SH3BGR: variants seen among roughly 807,000 people sequenced by gnomAD.
The protein encoded by SH3BGR is SH3 domain binding glutamate rich protein.
Under a neutral mutation model 24.5 loss-of-function variants are expected in SH3BGR, and 29 were observed. That is an observed-to-expected ratio of 1.18 (90% CI 0.88 to 1.61). The LOEUF (loss-of-function observed/expected upper bound fraction) is 1.61, where lower values mean the gene tolerates loss of function less well. SH3BGR is among the 40% of genes most tolerant of loss of function. The probability of loss-of-function intolerance (pLI) is 0.00; values close to 1 mark genes in which losing one functional copy is unlikely to be tolerated. For synonymous variants in SH3BGR, 55 were observed against 65.7 expected, an observed-to-expected ratio of 0.84 and a Z score of 0.79; for missense variants, 162 against 205.8, an observed-to-expected ratio of 0.79 and a Z score of 1.30.
chr21:39,496,485 C>A (rs866289070), intron 3 of SH3BGR, among the ~76,000 whole-genome samples: 1 of 126,630 alleles, frequency 7.9e-6, no homozygotes, highest in East Asian at 2.3e-4. Context: ...CCGGCCTGGG[C>A]GACAGAGCGA....
intron 3 of SH3BGR, among the ~76,000 whole-genome samples, chr21:39,476,526 T>TA (rs967696080): frequency 2.0e-5 from 3 of 152,156 alleles, no homozygotes; most frequent in Admixed American, 6.5e-5. Context: ...ATCATTGTTT[T>TA]AAAAAATGCC....
At chr21:39,492,466 G>GTGTGTGTGTGTA (rs1404293146) in intron 3 of SH3BGR, among the ~76,000 whole-genome samples, 47 of 139,780 alleles carry the variant, frequency 3.4e-4, no homozygotes, top group African/African-American at 1.2e-3. Flanking sequence ...GTGTGTGTGT[G>GTGTGTGTGTGTA]TATATATATA....
At chr21:39,469,962 A>G (rs2077909809) in intron 2 of SH3BGR, among the ~76,000 whole-genome samples, 2 of 151,940 alleles carry the variant, frequency 1.3e-5, no homozygotes, top group South Asian at 4.2e-4. Context: ...AGCCTGCAGT[A>G]TTTTCTTTAT....
chr21:39,511,015 G>T lies in SH3BGR; in HGVS notation c.436-665G>T, dbSNP rs2078682721. Among the ~76,000 whole-genome samples, 1 of 147,382 alleles carries T rather than the reference G, an allele frequency of 6.8e-6. No individual in the cohort carries two copies. Among genetic ancestry groups the T allele is most frequent in the South Asian group, 2.1e-4 (1 of 4,660 alleles). On this transcript the variant is annotated intron_variant, in intron 5 of 6. Transcript: ENST00000333634. The surrounding 1 kb of genome is among the most constrained non-coding windows in gnomAD (Gnocchi z 4.2). Reference sequence around the variant, plus strand: ...AATATGAGTGGAGACTGTACACTTAGGTGGGATTATAAAACCTGTTAGGAT... The same window carrying T: ...AATATGAGTGGAGACTGTACACTTATGTGGGATTATAAAACCTGTTAGGAT...
At chr21:39,466,652 G>A (rs973402527) in intron 2 of SH3BGR, among the ~76,000 whole-genome samples, 14 of 152,208 alleles carry the variant, frequency 9.2e-5, no homozygotes, top group African/African-American at 3.1e-4. Flanking sequence ...GAAGTGCAGA[G>A]TGAAGATGGG....
chr21:39,508,153 C>A (rs1353579347), intron 4 of SH3BGR, among the ~76,000 whole-genome samples: 5 of 152,134 alleles, frequency 3.3e-5, no homozygotes, highest in Non-Finnish European at 1.5e-5. Context: ...ACATTCAGTG[C>A]CCCCCGTCCA....
chr21:39,514,345 A>G (rs965243344), intron 6 of SH3BGR, among the ~76,000 whole-genome samples: 3 of 151,976 alleles, frequency 2.0e-5, no homozygotes, highest in African/African-American at 7.2e-5. Flanking sequence ...TGGAGTCAGA[A>G]TCTATTATTA....
chr21:39,510,860 T>C (rs959411437), intron 5 of SH3BGR, among the ~76,000 whole-genome samples: 1 of 144,308 alleles, frequency 6.9e-6, no homozygotes, highest in Non-Finnish European at 1.5e-5. Context: ...TAACAGCTCA[T>C]CCTGACAAAA....
chr21:39,502,994 T>TTTA (rs958905516), intron 4 of SH3BGR, among the ~76,000 whole-genome samples: 2 of 151,696 alleles, frequency 1.3e-5, no homozygotes, highest in African/African-American at 4.8e-5. Flanking sequence ...TCTTTTTTTT[T>TTTA]TTTTCCTCAG....
Position 39,511,929 on chromosome 21 carries a change from C to A in SH3BGR, c.*34+120C>A. Reference sequence around the variant, plus strand: ...CAATTCAGGGCTGTCTGTCTCCTTCCAAAGCCCTGGTCTGCACACCTTTCT... The same window carrying A: ...CAATTCAGGGCTGTCTGTCTCCTTCAAAAGCCCTGGTCTGCACACCTTTCT... On this transcript the variant is annotated intron_variant, in intron 6 of 6. Transcript: ENST00000333634. This position sits in a 1 kb window ranked among gnomAD's most constrained non-coding sequence, Gnocchi z 4.2. The A allele has an allele frequency of 1.1e-6, 1 of 949,388 alleles. No individual in the cohort carries two copies. Among genetic ancestry groups the A allele is most frequent in the Non-Finnish European group, 1.5e-6 (1 of 668,208 alleles). The allele number at this position is 949,388 out of a possible 1,614,324, so 58.8% of individuals were successfully genotyped here. A position where few individuals can be genotyped will look rare whatever the true frequency, so the allele number is the denominator to read the frequency against.
chr21:39,465,399 C>T (rs2077824295), intron 2 of SH3BGR, among the ~76,000 whole-genome samples: 1 of 152,184 alleles, frequency 6.6e-6, no homozygotes, highest in East Asian at 1.9e-4. Flanking sequence ...TGCACTGGCT[C>T]TTTTGAATTC....
At chr21:39,460,823 T>A (rs1158253783) in intron 1 of SH3BGR, among the ~76,000 whole-genome samples, 2 of 152,156 alleles carry the variant, frequency 1.3e-5, no homozygotes, top group Non-Finnish European at 2.9e-5. Context: ...AGGGTCCCGC[T>A]TTGTCACCCA....
At chr21:39,451,945 A>G, upstream of SH3BGR, 1 of 1,614,150 alleles carries the variant, frequency 6.2e-7, no homozygotes, top group East Asian at 2.2e-5. Context: ...GAGCCTCTTA[A>G]GTTGGAGCGG....
At chr21:39,496,439 G>A (rs574136405) in intron 3 of SH3BGR, among the ~76,000 whole-genome samples, 19 of 149,406 alleles carry the variant, frequency 1.3e-4, no homozygotes, top group Non-Finnish European at 2.1e-4. Context: ...AGCGGAGCTT[G>A]CAGTGAGCCG....
chr21:39,479,236 T>C, intron 3 of SH3BGR, among the ~76,000 whole-genome samples: 1 of 122,600 alleles, frequency 8.2e-6, no homozygotes, highest in Non-Finnish European at 2.0e-5. Context: ...GTGGTGGTGG[T>C]GGTGGTGGTG....
chr21:39,449,815 A>T (rs1030802293), upstream of SH3BGR, among the ~76,000 whole-genome samples: 1 of 152,158 alleles, frequency 6.6e-6, no homozygotes, highest in Non-Finnish European at 1.5e-5. Context: ...TAATAATGGA[A>T]CACAGTTTTA....
upstream of SH3BGR, among the ~76,000 whole-genome samples, chr21:39,447,389 T>G (rs928251087): frequency 6.6e-6 from 1 of 151,786 alleles, no homozygotes; most frequent in African/African-American, 2.4e-5. Flanking sequence ...AAATCTGCCC[T>G]TGAATCTTTC....
intron 2 of SH3BGR, among the ~76,000 whole-genome samples, chr21:39,469,177 C>T (rs377101232): frequency 1.3e-5 from 2 of 151,590 alleles, no homozygotes; most frequent in African/African-American, 2.4e-5. Flanking sequence ...CCATGTACCC[C>T]CTGTTCCCAC....
chr21:39,494,253 T>TC (rs57917957), intron 3 of SH3BGR, among the ~76,000 whole-genome samples: 42 of 147,232 alleles, frequency 2.9e-4, no homozygotes, highest in African/African-American at 6.3e-4. Context: ...TTCTTCTTCT[T>TC]TTTTTTTTTA....
Sources: gnomAD v4.1 joint callset for allele counts (sites outside exome capture counted in the v4.1 genomes callset) on GRCh38, gnomAD v4.1.1 for gene constraint, Gnocchi (gnomAD v3.1) non-coding constraint, MANE v1.5 for transcripts, NCBI Gene and HGNC (gene_info 2026-07-23, HGNC 2026-07-21) for gene names.